ARSG: variants seen among roughly 807,000 people sequenced by gnomAD.
ARSG encodes ASG.
ARSG carries 37 observed loss-of-function variants against 50.5 expected under a neutral mutation model. The ratio of observed to expected loss-of-function variants is 0.73; its 90% CI spans 0.56 to 0.96. The LOEUF is 0.96. Among genes scored for constraint, ARSG ranks in the 50% least tolerant of loss-of-function variants. The pLI is 0.00. For missense variants in ARSG, 629 were observed against 675.3 expected (o/e 0.93, Z 0.76); for synonymous variants, 225 against 254.6 (o/e 0.88, Z 1.11).
intron 2 of ARSG, among the ~76,000 whole-genome samples, chr17:68,326,215 A>C (rs1157535393): frequency 1.3e-5 from 2 of 152,352 alleles, no homozygotes; most frequent in South Asian, 4.1e-4. Flanking sequence ...GTGCTGCTGC[A>C]GGTGTAGCCG....
chr17:68,278,650 C>T (rs1158899725), intron 1 of ARSG, among the ~76,000 whole-genome samples: 1 of 133,506 alleles, frequency 7.5e-6, no homozygotes, highest in Non-Finnish European at 1.6e-5. Flanking sequence ...GACAGAGTCT[C>T]ACTCTGTTGC....
chr17:68,396,014 TG>T (rs1187905072), intron 10 of ARSG, among the ~76,000 whole-genome samples: 9 of 117,478 alleles, frequency 7.7e-5, no homozygotes, highest in South Asian at 2.5e-4. Flanking sequence ...TTTTTTTTTT[TG>T]TTTTTTTTTT....
chr17:68,273,767 C>T, intron 1 of ARSG: 2 of 750,528 alleles, frequency 2.7e-6, no homozygotes. Context: ...CCCCTGAAGT[C>T]CATATAGCTC....
the ARSG span, chr17:68,450,806 C>T: frequency 6.2e-7 from 1 of 1,614,066 alleles, no homozygotes; most frequent in East Asian, 2.2e-5. Flanking sequence ...TGAAGTGATA[C>T]ACGTTCATCT....
chr17:68,261,369 A>G (rs1394347835), intron 1 of ARSG, among the ~76,000 whole-genome samples: 1 of 152,044 alleles, frequency 6.6e-6, no homozygotes, highest in Admixed American at 6.6e-5. Flanking sequence ...GAGTAAACAG[A>G]TGCTTTATTT....
At chr17:68,424,584 C>T (rs748613388), downstream of ARSG, 3 of 502,058 alleles carry the variant, frequency 6.0e-6, no homozygotes, top group Non-Finnish European at 1.2e-5. Flanking sequence ...TTGGCCCAAA[C>T]ACTACTTCCG....
At chr17:68,321,591 TTC>T (rs2145852532) in intron 2 of ARSG, among the ~76,000 whole-genome samples, 1 of 152,324 alleles carries the variant, frequency 6.6e-6, no homozygotes, top group South Asian at 2.1e-4. Context: ...CTATTTTAAA[TTC>T]CTTGTAAATG....
chr17:68,416,823 C>T (rs116386795), intron 11 of ARSG, among the ~76,000 whole-genome samples: 2,564 of 152,256 alleles, frequency 0.017, 81 homozygotes, highest in African/African-American at 0.059. Flanking sequence ...GATGTTTTAA[C>T]TGTTTTTTCT....
chr17:68,421,664 C>A, downstream of ARSG: 1 of 1,502,342 alleles, frequency 6.7e-7, no homozygotes. Flanking sequence ...ACCCGGGATT[C>A]CTGCCCCCCT....
intron 2 of ARSG, among the ~76,000 whole-genome samples, chr17:68,309,182 C>A (rs1555765710): frequency 1.3e-5 from 2 of 152,364 alleles, no homozygotes; most frequent in East Asian, 3.9e-4. Flanking sequence ...CCGGGGCCCG[C>A]AGGGCCAGCT....
chr17:68,416,472 C>T (rs2082371255), intron 11 of ARSG, among the ~76,000 whole-genome samples: 1 of 152,108 alleles, frequency 6.6e-6, no homozygotes, highest in African/African-American at 2.4e-5. Flanking sequence ...CAATGAATTT[C>T]CCAGGTGTTC....
chr17:68,282,666 G>A (rs575557644), intron 1 of ARSG, among the ~76,000 whole-genome samples: 7 of 150,980 alleles, frequency 4.6e-5, no homozygotes, highest in African/African-American at 9.7e-5. Context: ...TAGCAGTGCC[G>A]GGCATGGTGG....
At chr17:68,263,179 T>C (rs533115833) in intron 1 of ARSG, among the ~76,000 whole-genome samples, 87 of 152,332 alleles carry the variant, frequency 5.7e-4, no homozygotes, top group Non-Finnish European at 1.1e-3. Context: ...AGTTGTTACA[T>C]GGAAAGGGAA....
intron 1 of ARSG, among the ~76,000 whole-genome samples, chr17:68,282,314 G>A (rs2075718966): frequency 6.6e-6 from 1 of 151,724 alleles, no homozygotes; most frequent in Non-Finnish European, 1.5e-5. Flanking sequence ...AGAACACTTG[G>A]ACACAGGAAG....
At chr17:68,421,146 C>G (rs2082742665), downstream of ARSG, 1 of 154,848 alleles carries the variant, frequency 6.5e-6, no homozygotes, top group Non-Finnish European at 1.4e-5. Flanking sequence ...GCAGACGAGT[C>G]CATGGATAAG....
chr17:68,285,905 G>A (rs1418171074), intron 1 of ARSG, among the ~76,000 whole-genome samples: 3 of 151,818 alleles, frequency 2.0e-5, no homozygotes, highest in Non-Finnish European at 4.4e-5. Context: ...GATTACAGAC[G>A]CCCGCCACCA....
intron 2 of ARSG, among the ~76,000 whole-genome samples, chr17:68,337,917 A>G (rs1473051411): frequency 6.6e-6 from 1 of 152,102 alleles, no homozygotes; most frequent in Non-Finnish European, 1.5e-5. Flanking sequence ...GCGCCCGGCC[A>G]GCAGAAACTC....
In ARSG at chr17:68,367,459, T is replaced by C. The variant is rs2079599446; in HGVS notation, c.705-1089T>C. Among the ~76,000 whole-genome samples, 1 of 152,126 alleles carries C rather than the reference T, an allele frequency of 6.6e-6. No homozygotes were observed. Among genetic ancestry groups the C allele is most frequent in the African/African-American group, 2.4e-5 (1 of 41,430 alleles). On this transcript the variant is annotated intron_variant, in intron 6 of 11. Transcript: ENST00000621439. This position sits in a 1 kb window ranked among gnomAD's most constrained non-coding sequence, Gnocchi z 4.5. Reference sequence around the variant, plus strand: ...CCAGAATGTTGTTGACTCTGTACTCTCCCAATACCCTTGTTTGGTGTCCTC... The same window carrying C: ...CCAGAATGTTGTTGACTCTGTACTCCCCCAATACCCTTGTTTGGTGTCCTC...
At chr17:68,313,853 A>G (rs139661628) in intron 2 of ARSG, among the ~76,000 whole-genome samples, 1,978 of 151,912 alleles carry the variant, frequency 0.013, 43 homozygotes, top group African/African-American at 0.046. Flanking sequence ...TGATTTTTGT[A>G]TTTTTAGTAG....
Sources: allele counts gnomAD v4.1 joint callset (sites outside exome capture counted in the v4.1 genomes callset), GRCh38; gene constraint gnomAD v4.1.1; non-coding constraint Gnocchi (gnomAD v3.1); transcripts MANE v1.5; gene names NCBI Gene and HGNC (gene_info 2026-07-23, HGNC 2026-07-21).